MYO5B: variants seen among roughly 807,000 people sequenced by gnomAD.
The protein encoded by MYO5B is unconventional myosin-Vb.
A neutral mutation model predicts 229.3 loss-of-function variants in MYO5B; 143 were observed. That is an observed-to-expected ratio of 0.62 (90% confidence interval 0.54 to 0.72). The LOEUF is 0.72. Among genes scored for constraint, MYO5B ranks in the 30% least tolerant of loss-of-function variants. The pLI is 0.00. For synonymous variants in MYO5B, 918 were observed against 885.2 expected (o/e 1.04, Z -0.66); for missense variants, 2,321 against 2,331.0 (o/e 1.00, Z 0.09).
chr18:49,974,410 T>A lies in MYO5B; in HGVS notation c.1262A>T (p.Asn421Ile). 2 of 1,614,196 alleles carry A rather than the reference T, an allele frequency of 1.2e-6. No homozygotes were observed. Among genetic ancestry groups the A allele is most frequent in the Non-Finnish European group, 8.5e-7 (1 of 1,180,024 alleles). The change falls in exon 10 of 40, where the codon AAC (asparagine) becomes ATC (isoleucine). Residue 421 changes from asparagine (N) to isoleucine (I), a missense_variant. Asn to Ile is a moderately radical substitution (Grantham distance 149, BLOSUM62 -3). Around this residue, in one of 2 missense-constraint regions of MYO5B, gnomAD observed 2,113 missense variants for 2,044.7 expected, o/e 1.03. Transcript: ENST00000285039. ...CTTGAGGGAGGTGTGCAGGGCCTTG[T>A]TGATGTGCTCCACAATCCAGCCGAA... ...QLFGWIVEHI[N>I]KALHTSLKQH...
intron 1 of MYO5B, among the ~76,000 whole-genome samples, chr18:50,068,796 C>G (rs1300429606): frequency 6.6e-6 from 1 of 152,152 alleles, no homozygotes; most frequent in Non-Finnish European, 1.5e-5. Context: ...TTCTCCTGAC[C>G]TTGGTTTTCC....
chr18:49,985,331 G>T (rs2025859426), intron 7 of MYO5B, among the ~76,000 whole-genome samples: 1 of 152,180 alleles, frequency 6.6e-6, no homozygotes, highest in Admixed American at 6.5e-5. Context: ...ATGCACAAAT[G>T]CAGGTTGATA....
Position 49,992,449 on chromosome 18 carries a change from A to T in MYO5B, c.613-18T>A. ...CCAATGGCCTGCACAGACCAGACAG[A>T]CAAAGGTATGAAAAAAAAAGAGGGC... On this transcript the variant is annotated intron_variant, in intron 5 of 39. Transcript: ENST00000285039. 6.2e-7 allele frequency: 1 copy of T among 1,614,122 alleles called. No individual in the cohort carries two copies. The highest frequency in any genetic ancestry group is 1.1e-5 in the South Asian group (1 of 91,070).
Position 49,841,108 on chromosome 18 carries a change from G to A in MYO5B, c.4701+257C>T, listed in dbSNP as rs967108747. On this transcript the variant is annotated intron_variant, in intron 35 of 39. Transcript: ENST00000285039. ...CTCCCAGGGCCTCTATTGATCATGG[G>A]TTATGCAGACTCTACTTACATAACC... is the stretch of plus-strand genomic sequence containing the variant. Among the ~76,000 whole-genome samples, 5 of 152,190 alleles carry A rather than the reference G, an allele frequency of 3.3e-5. No individual in the cohort carries two copies. In the East Asian group the frequency reaches 5.8e-4, roughly 18 times the overall value.
intron 32 of MYO5B, 65 bp from the exon 33 acceptor site, chr18:49,847,354 C>T: frequency 6.4e-7 from 1 of 1,572,940 alleles, no homozygotes; most frequent in Non-Finnish European, 8.6e-7. Flanking sequence ...GGGTAGCGGG[C>T]ATCTCTGGCG....
At chr18:50,119,893 A>C (rs1457383031) in intron 1 of MYO5B, among the ~76,000 whole-genome samples, 1 of 152,202 alleles carries the variant, frequency 6.6e-6, no homozygotes, top group Non-Finnish European at 1.5e-5. Flanking sequence ...TTTTAAATGA[A>C]CTGGTGAACT....
At chr18:50,193,121 C>T (rs986662171) in intron 1 of MYO5B, among the ~76,000 whole-genome samples, 1 of 152,254 alleles carries the variant, frequency 6.6e-6, no homozygotes, top group Non-Finnish European at 1.5e-5. Flanking sequence ...TGGCTTCCAG[C>T]CTCCAGTCCC....
intron 1 of MYO5B, among the ~76,000 whole-genome samples, chr18:50,115,824 G>C (rs113766736): frequency 0.013 from 1,940 of 151,964 alleles, 21 homozygotes; most frequent in African/African-American, 0.028. Context: ...TATGTGGGAG[G>C]GGGGAGGGTA....
intron 4 of MYO5B, among the ~76,000 whole-genome samples, chr18:50,026,196 G>A (rs1188736854): frequency 6.6e-6 from 1 of 152,136 alleles, no homozygotes; most frequent in African/African-American, 2.4e-5. Context: ...TCCACCACAT[G>A]ATCAGTGGTG....
intron 4 of MYO5B, among the ~76,000 whole-genome samples, chr18:50,012,836 T>C (rs957505834): frequency 2.0e-5 from 3 of 152,222 alleles, no homozygotes; most frequent in African/African-American, 7.2e-5. Context: ...TTAGCATTCC[T>C]TCCTCCTCCC....
chr18:50,121,822 T>C (rs1190247812), intron 1 of MYO5B, among the ~76,000 whole-genome samples: 2 of 152,234 alleles, frequency 1.3e-5, no homozygotes, highest in Non-Finnish European at 2.9e-5. Context: ...AGGTCCTGAC[T>C]CATGGATCTA....
intron 1 of MYO5B, among the ~76,000 whole-genome samples, chr18:50,119,321 G>A (rs1360700043): frequency 6.6e-6 from 1 of 152,166 alleles, no homozygotes; most frequent in Non-Finnish European, 1.5e-5. Flanking sequence ...TACCCTACAG[G>A]TTTCACATCC....
chr18:50,055,335 G>T lies in MYO5B; in HGVS notation c.71C>A (p.Ser24Ter). 1.2e-6 allele frequency: 2 copies of T among 1,610,994 alleles called. No homozygotes were observed. Among genetic ancestry groups the T allele is most frequent in the Non-Finnish European group, 1.7e-6 (2 of 1,179,720 alleles). ...WIPDPDEVWR[S>*]AELTKDYKEG... ...TTTGTAGTCCTTGGTTAACTCAGCT[G>T]AGCGCCATACCTCATCAGGGTCAGG... Residue 24 changes from serine to a stop codon, truncating the protein, a stop_gained, in exon 2 of 40, where the codon TCA (serine) becomes TAA (stop). Transcript: ENST00000285039. LOFTEE classifies it high-confidence loss of function.
intron 4 of MYO5B, among the ~76,000 whole-genome samples, chr18:50,008,733 C>T (rs1219949712): frequency 1.3e-5 from 2 of 152,206 alleles, no homozygotes; most frequent in Non-Finnish European, 2.9e-5. Flanking sequence ...ATCCCATCTC[C>T]AAACCGGTCA....
At chr18:50,149,038 T>C (rs993590633) in intron 1 of MYO5B, among the ~76,000 whole-genome samples, 3 of 151,346 alleles carry the variant, frequency 2.0e-5, no homozygotes, top group South Asian at 2.1e-4. Context: ...TATACACCAA[T>C]AACAGACAAA....
intron 22 of MYO5B, among the ~76,000 whole-genome samples, chr18:49,889,590 T>C (rs990205094): frequency 5.3e-5 from 8 of 152,192 alleles, no homozygotes; most frequent in African/African-American, 1.9e-4. Flanking sequence ...AAAACTTTGC[T>C]TCTCCTTAAC....
chr18:49,869,990 C>T (rs2024439570), intron 27 of MYO5B, among the ~76,000 whole-genome samples: 1 of 152,178 alleles, frequency 6.6e-6, no homozygotes, highest in African/African-American at 2.4e-5. Context: ...ATTTTCATCC[C>T]CAGGCACTAA....
At chr18:50,151,278 C>T (rs2032594130) in intron 1 of MYO5B, among the ~76,000 whole-genome samples, 1 of 152,092 alleles carries the variant, frequency 6.6e-6, no homozygotes, top group Admixed American at 6.5e-5. Flanking sequence ...AAAGAATTTC[C>T]ATCATACTAT....
chr18:50,167,807 C>T (rs1347448016), intron 1 of MYO5B, among the ~76,000 whole-genome samples: 1 of 152,146 alleles, frequency 6.6e-6, no homozygotes, highest in Non-Finnish European at 1.5e-5. Context: ...AATATATAAA[C>T]CTGAATGTTC....
Sources: gnomAD v4.1 joint callset for allele counts (sites outside exome capture counted in the v4.1 genomes callset) on GRCh38, gnomAD v4.1.1 for gene constraint, gnomAD v4.1.1 regional missense constraint, MANE v1.5 for transcripts, NCBI Gene and HGNC (gene_info 2026-07-23, HGNC 2026-07-21) for gene names.